The following SETDB2 variants were observed in gnomAD, a reference collection of about 807,000 sequenced individuals.
The protein encoded by SETDB2 is histone-lysine N-methyltransferase SETDB2.
In SETDB2, 56 loss-of-function variants were observed where a neutral mutation model predicts 82.5. That is an observed-to-expected ratio of 0.68 (90% CI 0.55 to 0.85). The LOEUF (loss-of-function observed/expected upper bound fraction) is 0.85, where lower values mean the gene tolerates loss of function less well. Among genes scored for constraint, SETDB2 ranks in the 40% least tolerant of loss-of-function variants. The pLI, the probability that SETDB2 is intolerant of heterozygous loss-of-function variation, is 0.00. For missense variants in SETDB2, 677 were observed against 816.4 expected (o/e 0.83, Z 2.08); for synonymous variants, 272 against 284.9 (o/e 0.95, Z 0.46).
In SETDB2 at chr13:49,480,959, C is replaced by A; in HGVS notation, c.999C>A (p.Cys333Ter). 6.2e-7 allele frequency: 1 copy of A among 1,613,636 alleles called. No homozygotes were observed. The highest frequency in any genetic ancestry group is 8.5e-7 in the Non-Finnish European group (1 of 1,179,834). Residue 333 changes from cysteine (C) to a stop codon, truncating the protein, a stop_gained, in exon 8 of 14, where the codon TGC becomes TGA. Transcript: ENST00000611815. LOFTEE classifies it high-confidence loss of function. ...QRQIPTGIYE[C>*]SLLCKCNRQL... ...ATTTTGTTGACAGCATTTATGAATG[C>A]AGCCTTTTGTGCAAATGTAATCGAC...
chr13:49,494,220 T>C lies in SETDB2; in HGVS notation c.*2371T>C, dbSNP rs1480847871. The C allele has an allele frequency of 2.6e-5, 4 of 151,872 alleles. No homozygotes were observed. Among genetic ancestry groups the C allele is most frequent in the African/African-American group, 9.7e-5 (4 of 41,252 alleles). The allele number at this position is 151,872 out of a possible 1,614,324, so 9.4% of individuals were successfully genotyped here. On this transcript the variant is annotated 3_prime_UTR_variant, in exon 14 of 14. Transcript: ENST00000611815. ...AGAGCTCCCCTTCTCCGAATATTCTTTTTTTTTAATAGCATCCTATTTTGG... is the reference window on the plus strand; with the variant it reads ...AGAGCTCCCCTTCTCCGAATATTCTCTTTTTTTAATAGCATCCTATTTTGG...
intron 8 of SETDB2, chr13:49,482,179 T>C: frequency 1.0e-6 from 1 of 985,442 alleles, no homozygotes; most frequent in Non-Finnish European, 1.2e-6. Flanking sequence ...CTAAGATATG[T>C]CTCCGATCTA....
At chr13:49,480,428 G>T in intron 7 of SETDB2, 93 bp downstream of exon 7, 1 of 718,960 alleles carries the variant, frequency 1.4e-6, no homozygotes, top group Non-Finnish European at 2.3e-6. Context: ...TGTTAAATCT[G>T]GTTTAATTTG....
chr13:49,472,622 C>T (rs1457039061), intron 5 of SETDB2, among the ~76,000 whole-genome samples: 4 of 152,018 alleles, frequency 2.6e-5, no homozygotes, highest in African/African-American at 4.8e-5. Flanking sequence ...TAAAGTTAAC[C>T]CTCCTCTCCA....
At position 49,493,775 on chromosome 13, in the gene SETDB2, T is replaced by C. The variant is rs1958754806; in HGVS notation, c.*1926T>C. 1 of 152,248 alleles carries C rather than the reference T, an allele frequency of 6.6e-6. No homozygotes were observed. Among genetic ancestry groups the C allele is most frequent in the African/African-American group, 2.4e-5 (1 of 41,450 alleles). 9.4% of individuals were successfully genotyped at this position (152,248 alleles called of 1,614,324 possible). ...CTGCTAGCTTTCAGTGCTGTTGCTG[T>C]GGAGTCTGAAAATCTGTCTTCTGGC... On this transcript the variant is annotated 3_prime_UTR_variant, in exon 14 of 14. Transcript: ENST00000611815.
At chr13:49,487,064 A>G (rs1193372752) in intron 11 of SETDB2, among the ~76,000 whole-genome samples, 2 of 152,176 alleles carry the variant, frequency 1.3e-5, no homozygotes, top group African/African-American at 2.4e-5. Context: ...GACTGCTACA[A>G]TATATATAGC....
chr13:49,470,088 GTCT>G (rs1218422166), intron 5 of SETDB2, among the ~76,000 whole-genome samples: 2 of 152,152 alleles, frequency 1.3e-5, no homozygotes, highest in Non-Finnish European at 2.9e-5. Flanking sequence ...ATAATTAGCT[GTCT>G]TCTTTTGTAT....
intron 4 of SETDB2, among the ~76,000 whole-genome samples, chr13:49,464,779 G>A (rs1566161774): frequency 6.6e-6 from 1 of 152,086 alleles, no homozygotes; most frequent in Non-Finnish European, 1.5e-5. Context: ...AGGTTCATGT[G>A]GGCTGAATAC....
chr13:49,488,847 T>C (rs893872567), intron 12 of SETDB2: 4 of 451,952 alleles, frequency 8.9e-6, no homozygotes, highest in African/African-American at 5.9e-5. Flanking sequence ...CAGGATGTTA[T>C]GAGAATCTAA....
In SETDB2 at chr13:49,482,830, AGAG is replaced by A. The variant is rs1161666476; in HGVS notation, c.1253_1255del (p.Arg418del). The A allele has an allele frequency of 6.2e-7, 1 of 1,612,548 alleles. No homozygotes were observed. Among genetic ancestry groups the A allele is most frequent in the Admixed American group, 1.7e-5 (1 of 60,000 alleles). On this transcript the variant is annotated inframe_deletion, in exon 9 of 14. Transcript: ENST00000611815. ...ACTATGAAAAATATATTTTCAAAAA[AGAG>A]GAAATTAGAAGTTGCATGTTCAGAT...
chr13:49,484,258 G>C (rs1958546439), intron 10 of SETDB2, among the ~76,000 whole-genome samples: 1 of 151,942 alleles, frequency 6.6e-6, no homozygotes, highest in African/African-American at 2.4e-5. Context: ...AGGAGAACAA[G>C]GTTTTTGTTT....
chr13:49,446,939 T>C (rs1015603441), intron 1 of SETDB2, among the ~76,000 whole-genome samples: 2 of 152,210 alleles, frequency 1.3e-5, no homozygotes, highest in African/African-American at 4.8e-5. Context: ...TAATAGGTCA[T>C]GCTAAATTTG....
At chr13:49,451,102 AAAAAT>A (rs1957777225) in intron 1 of SETDB2, among the ~76,000 whole-genome samples, 2 of 151,456 alleles carry the variant, frequency 1.3e-5, no homozygotes, top group African/African-American at 4.8e-5. Context: ...AAAGATTATA[AAAAAT>A]TAAATATACT....
rs369406443 is a variant in SETDB2 at position 49,461,138 on chromosome 13, A to T, written c.184A>T (p.Ile62Phe). 6.2e-6 allele frequency: 10 copies of T among 1,610,864 alleles called. No homozygotes were observed. The African/African-American group carries it at 1.2e-4, about 19-fold the overall frequency. Residue 62 changes from isoleucine to phenylalanine, a missense_variant, in exon 4 of 14, where the codon ATT becomes TTT. By Grantham distance (21) the Ile-to-Phe change is conservative (BLOSUM62 0). This residue lies in a region of SETDB2 where 243 missense variants were observed against 237.2 expected (regional missense o/e 1.02). Transcript: ENST00000611815. ...AMILVNEATI[I>F]NSSTSIKDPM... The stretch of plus-strand genomic sequence containing the variant: ...GATTCTAGTGAATGAAGCAACTATA[A>T]TTAACAGTTCAACATCAATAAAGGG...
At chr13:49,450,911 AAAC>A (rs1957773182) in intron 1 of SETDB2, among the ~76,000 whole-genome samples, 2 of 151,074 alleles carry the variant, frequency 1.3e-5, no homozygotes, top group Non-Finnish European at 3.0e-5. Context: ...CTATAAAGGA[AAAC>A]AATCTAAATA....
intron 11 of SETDB2, among the ~76,000 whole-genome samples, chr13:49,487,825 G>T (rs1056670000): frequency 3.9e-4 from 60 of 152,328 alleles, no homozygotes. Flanking sequence ...TCACTGCTGG[G>T]ACTTGTGGAA....
At position 49,480,215 on chromosome 13, in the gene SETDB2, T is replaced by G; in HGVS notation, c.870-4T>G. On this transcript the variant is annotated splice_region_variant and splice_polypyrimidine_tract_variant and intron_variant, in intron 6 of 13. Transcript: ENST00000611815. ...TCTTTCTCCATCCATTGCCTGCCTT[T>G]TAGAACAAAATGTGCATGTCTTCAA... 1 of 1,597,054 alleles carries G rather than the reference T, an allele frequency of 6.3e-7. No individual in the cohort carries two copies. The highest frequency in any genetic ancestry group is 8.5e-7 in the Non-Finnish European group (1 of 1,173,762).
In SETDB2 at chr13:49,476,815, T is replaced by C. The variant is rs140300012; in HGVS notation, c.645T>C (p.Tyr215=). Residue 215 remains tyrosine (Y), a synonymous_variant, in exon 6 of 14, where the codon TAT becomes TAC. Transcript: ENST00000611815. ...CAGATAACTTTTCTTTCAATACCTA[T>C]GTTCAGTTGGCTCGGAATTACCCAA... is the stretch of plus-strand genomic sequence containing the variant. ...LFTDNFSFNT[Y]VQLARNYPKQ... 9.9e-6 allele frequency: 16 copies of C among 1,613,886 alleles called. No homozygotes were observed. Among genetic ancestry groups the C allele is most frequent in the Admixed American group, 1.7e-5 (1 of 59,954 alleles).
At chr13:49,480,679 C>T (rs952483474) in intron 7 of SETDB2, among the ~76,000 whole-genome samples, 3 of 152,172 alleles carry the variant, frequency 2.0e-5, no homozygotes, top group African/African-American at 7.2e-5. Flanking sequence ...TACTGACTCA[C>T]TTAATCTTCA....
Sources: gnomAD v4.1 joint callset for allele counts (sites outside exome capture counted in the v4.1 genomes callset) on GRCh38, gnomAD v4.1.1 for gene constraint, gnomAD v4.1.1 regional missense constraint, MANE v1.5 for transcripts, NCBI Gene and HGNC (gene_info 2026-07-23, HGNC 2026-07-21) for gene names.